The following ARHGAP22 variants were observed in gnomAD, a reference collection of about 807,000 sequenced individuals.
The protein encoded by ARHGAP22 is Rho GTPase activating protein 22, also known as rho GTPase-activating protein 22.
Under a neutral mutation model 59.1 loss-of-function variants are expected in ARHGAP22, and 48 were observed. That is an observed-to-expected ratio of 0.81 (90% confidence interval 0.64 to 1.03). The LOEUF is 1.03. ARHGAP22 is among the 50% of genes least tolerant of loss of function. The probability of loss-of-function intolerance (pLI) is 0.00; values close to 1 mark genes in which losing one functional copy is unlikely to be tolerated. For synonymous variants in ARHGAP22, 445 were observed against 416.4 expected (o/e 1.07, Z -0.84); for missense variants, 1,015 against 958.7 (o/e 1.06, Z -0.78).
At chr10:48,637,321 G>A (rs548035532) in intron 1 of ARHGAP22, among the ~76,000 whole-genome samples, 5 of 152,346 alleles carry the variant, frequency 3.3e-5, no homozygotes, top group South Asian at 2.1e-4. Context: ...AGAGATGGCC[G>A]ACAGGGGACA....
At chr10:48,442,127 T>A (rs1046140452), downstream of ARHGAP22, among the ~76,000 whole-genome samples, 2 of 152,188 alleles carry the variant, frequency 1.3e-5, no homozygotes, top group Non-Finnish European at 2.9e-5. Flanking sequence ...CGCTGTGATA[T>A]TATAGTGATG....
chr10:48,561,018 C>T (rs530874255), intron 2 of ARHGAP22, among the ~76,000 whole-genome samples: 2 of 152,162 alleles, frequency 1.3e-5, no homozygotes, highest in South Asian at 2.1e-4. Context: ...TCATAAAATA[C>T]ATTGGAAAGT....
chr10:48,491,502 A>G (rs992585233), intron 3 of ARHGAP22, among the ~76,000 whole-genome samples: 24 of 152,160 alleles, frequency 1.6e-4, no homozygotes, highest in African/African-American at 5.8e-4. Context: ...TATGTATTTT[A>G]TGTGTTTACA....
At chr10:48,497,846 C>T (rs992138340) in intron 3 of ARHGAP22, among the ~76,000 whole-genome samples, 2 of 152,174 alleles carry the variant, frequency 1.3e-5, no homozygotes, top group South Asian at 2.1e-4. Flanking sequence ...CTGCAGTGGG[C>T]CCTGGGCCCT....
chr10:48,601,845 A>C (rs958999353), intron 1 of ARHGAP22, among the ~76,000 whole-genome samples: 7 of 152,228 alleles, frequency 4.6e-5, no homozygotes, highest in Non-Finnish European at 8.8e-5. Context: ...GTCTAGATCT[A>C]ATCTCCATGT....
At chr10:48,502,556 G>A in intron 3 of ARHGAP22, among the ~76,000 whole-genome samples, 1 of 152,246 alleles carries the variant, frequency 6.6e-6, no homozygotes, top group East Asian at 1.9e-4. Flanking sequence ...GACACTCCAG[G>A]TGCCCTGCCC....
At chr10:48,530,145 G>A (rs951517476) in intron 3 of ARHGAP22, among the ~76,000 whole-genome samples, 4 of 146,964 alleles carry the variant, frequency 2.7e-5, no homozygotes, top group Non-Finnish European at 4.5e-5. Context: ...GCTGAGGCAG[G>A]AGAATTGCTT....
chr10:48,451,657 C>A, intron 8 of ARHGAP22: 1 of 628,042 alleles, frequency 1.6e-6, no homozygotes, highest in Non-Finnish European at 2.9e-6. Context: ...ACCCCGCCCA[C>A]CCCCTAAAAT....
intron 1 of ARHGAP22, among the ~76,000 whole-genome samples, chr10:48,598,945 G>A (rs180922618): frequency 2.6e-5 from 4 of 152,348 alleles, no homozygotes; most frequent in Non-Finnish European, 5.9e-5. Flanking sequence ...GATCCCAGCA[G>A]TGCCCCTTCC....
the ARHGAP22 span, chr10:48,436,201 A>G: frequency 1.3e-5 from 2 of 152,252 alleles, no homozygotes; most frequent in African/African-American, 4.8e-5. Flanking sequence ...TCATTTTCTA[A>G]GGACTGTTTC....
chr10:48,453,973 T>C, intron 7 of ARHGAP22, 115 bp downstream of exon 7: 1 of 1,073,992 alleles, frequency 9.3e-7, no homozygotes, highest in Admixed American at 1.7e-5. Context: ...CTGTGCAGGG[T>C]GGGGAATGAC....
intron 1 of ARHGAP22, among the ~76,000 whole-genome samples, chr10:48,615,442 A>G (rs1257206028): frequency 1.3e-5 from 2 of 152,264 alleles, no homozygotes; most frequent in African/African-American, 2.4e-5. Flanking sequence ...TAAATGATGG[A>G]AACTATGACA....
chr10:48,523,107 G>A (rs1477987458), intron 3 of ARHGAP22, among the ~76,000 whole-genome samples: 1 of 152,198 alleles, frequency 6.6e-6, no homozygotes, highest in Non-Finnish European at 1.5e-5. Context: ...TCGGAGGAAG[G>A]AAGACCTAGT....
intron 3 of ARHGAP22, among the ~76,000 whole-genome samples, chr10:48,519,711 C>T (rs2053627813): frequency 6.6e-6 from 1 of 152,238 alleles, no homozygotes. Flanking sequence ...GCACAGGCCA[C>T]CTGCCCAGGC....
intron 1 of ARHGAP22, chr10:48,652,085 G>T (rs2377612): frequency 1.5e-6 from 1 of 685,400 alleles, no homozygotes; most frequent in African/African-American, 1.8e-5. Flanking sequence ...CCATTTCCAG[G>T]AGCTGAAGGA....
At chr10:48,525,740 T>G (rs1247299352) in intron 3 of ARHGAP22, among the ~76,000 whole-genome samples, 1 of 152,232 alleles carries the variant, frequency 6.6e-6, no homozygotes, top group Admixed American at 6.5e-5. Context: ...GTGTTCACTC[T>G]GTACCATGCT....
chr10:48,435,983 C>A, the ARHGAP22 span: 1 of 152,198 alleles, frequency 6.6e-6, no homozygotes. Flanking sequence ...GCTTCGGGTC[C>A]TTGGACCTTT....
chr10:48,451,378 A>C (rs1432232247), intron 8 of ARHGAP22: 1 of 717,312 alleles, frequency 1.4e-6, no homozygotes, highest in Non-Finnish European at 2.5e-6. Flanking sequence ...GCAAGCAGGG[A>C]GGAAGCACTG....
intron 3 of ARHGAP22, among the ~76,000 whole-genome samples, chr10:48,518,828 CAT>C (rs1363973147): frequency 6.6e-6 from 1 of 152,092 alleles, no homozygotes; most frequent in East Asian, 1.9e-4. Context: ...GCTGGCATAG[CAT>C]AGAGACAGCA....
Sources: allele counts gnomAD v4.1 joint callset (sites outside exome capture counted in the v4.1 genomes callset), GRCh38; gene constraint gnomAD v4.1.1; transcripts MANE v1.5; gene names NCBI Gene and HGNC (gene_info 2026-07-23, HGNC 2026-07-21).